The following PCDHA1 variants were observed in gnomAD, a reference collection of about 807,000 sequenced individuals.
PCDHA1 encodes protocadherin alpha 1, also known as protocadherin alpha-1.
Under a neutral mutation model 61.3 loss-of-function variants are expected in PCDHA1, and 42 were observed. The observed-to-expected ratio is 0.69, with a 90% CI of 0.54 to 0.89. The LOEUF is 0.89. Ranked by LOEUF, PCDHA1 falls within the 40% of genes least tolerant of loss-of-function variation. The pLI is 0.00. For synonymous variants in PCDHA1, 610 were observed against 553.8 expected, an observed-to-expected ratio of 1.10 and a Z score of -1.43; for missense variants, 1,256 against 1,235.3, an observed-to-expected ratio of 1.02 and a Z score of -0.25.
intron 1 of PCDHA1, chr5:140,927,498 G>A (rs782816586): frequency 3.1e-6 from 5 of 1,614,138 alleles, no homozygotes; most frequent in Middle Eastern, 1.6e-4. Context: ...ACCTGCTGGT[G>A]CTTACAGCTC....
Position 140,849,058 on chromosome 5 carries a change from A to T in PCDHA1, c.2394+60374A>T, listed in dbSNP as rs1222593356. 1.9e-6 allele frequency: 3 copies of T among 1,550,796 alleles called. No homozygotes were observed. In the African/African-American group the frequency reaches 4.5e-5, roughly 23 times the overall value. ...CTGGACGTGCCAACCAGCAACCAGC[A>T]GGTAAAACCTCTTGGACTTGTATTA... On this transcript the variant is annotated intron_variant, in intron 1 of 3. Coordinates refer to ENST00000504120, the MANE Select transcript of PCDHA1 (RefSeq NM_018900.4).
intron 1 of PCDHA1, among the ~76,000 whole-genome samples, chr5:140,885,158 T>C (rs1250241606): frequency 6.6e-6 from 1 of 152,198 alleles, no homozygotes; most frequent in African/African-American, 2.4e-5. Flanking sequence ...TGATTGTCTC[T>C]ACTTTTTTGT....
intron 1 of PCDHA1, chr5:140,881,303 C>A: frequency 2.1e-6 from 2 of 962,604 alleles, no homozygotes; most frequent in Non-Finnish European, 2.5e-6. Flanking sequence ...GAAACTTTAA[C>A]CTCCTGGTTA....
At chr5:140,950,159 T>C (rs983239055) in intron 1 of PCDHA1, among the ~76,000 whole-genome samples, 3 of 151,972 alleles carry the variant, frequency 2.0e-5, no homozygotes, top group Non-Finnish European at 4.4e-5. Flanking sequence ...AAGCAGTTAT[T>C]ATGTACTTTA....
intron 1 of PCDHA1, chr5:140,883,677 C>T (rs112867183): frequency 1.2e-6 from 2 of 1,613,726 alleles, no homozygotes. Flanking sequence ...AACAATCCGC[C>T]GGGCTGCCAC....
chr5:140,987,805 C>T (rs2097269328), intron 3 of PCDHA1, among the ~76,000 whole-genome samples: 3 of 152,140 alleles, frequency 2.0e-5, no homozygotes. Flanking sequence ...TTTAAAGTGC[C>T]TGTCTCTTTG....
chr5:141,006,346 G>C (rs2098268580), intron 3 of PCDHA1, among the ~76,000 whole-genome samples: 1 of 151,806 alleles, frequency 6.6e-6, no homozygotes, highest in South Asian at 2.1e-4. Context: ...TGAGTAGCTG[G>C]GACTATAGGC....
In PCDHA1 at chr5:140,807,867, A is replaced by G. The variant is rs782786124; in HGVS notation, c.2394+19183A>G. 6 of 1,614,086 alleles carry G rather than the reference A, an allele frequency of 3.7e-6. No homozygotes were observed. In the African/African-American group the frequency reaches 8.0e-5, roughly 22 times the overall value. On this transcript the variant is annotated intron_variant, in intron 1 of 3. Coordinates refer to ENST00000504120, the MANE Select transcript of PCDHA1 (RefSeq NM_018900.4). ...AAACCCGAGTTGACTGGCACCGTTCAGTTACTCATCACAGTACTGGATGCC... is the reference window on the plus strand; with the variant it reads ...AAACCCGAGTTGACTGGCACCGTTCGGTTACTCATCACAGTACTGGATGCC...
intron 1 of PCDHA1, chr5:140,809,545 G>A: frequency 6.2e-7 from 1 of 1,613,146 alleles, no homozygotes; most frequent in South Asian, 1.1e-5. Flanking sequence ...AAGATCAGCT[G>A]CAGACAACTG....
At chr5:140,914,596 C>A (rs1454753124) in intron 1 of PCDHA1, among the ~76,000 whole-genome samples, 1 of 152,128 alleles carries the variant, frequency 6.6e-6, no homozygotes, top group Non-Finnish European at 1.5e-5. Flanking sequence ...TAAGTAGGAA[C>A]TTCCTCCTGC....
chr5:140,985,357 C>T (rs577732404), intron 3 of PCDHA1, among the ~76,000 whole-genome samples: 1 of 152,298 alleles, frequency 6.6e-6, no homozygotes, highest in East Asian at 1.9e-4. Flanking sequence ...TATAGACCCT[C>T]TGAGGTTATC....
Position 140,786,624 on chromosome 5 carries a change from A to C in PCDHA1, c.334A>C (p.Arg112=), listed in dbSNP as rs1554117487. 4 of 1,614,148 alleles carry C rather than the reference A, an allele frequency of 2.5e-6. No individual in the cohort carries two copies. The African/African-American group carries it at 5.3e-5, about 22-fold the overall frequency. Residue 112 remains arginine (R), a synonymous_variant, in exon 1 of 4, where the codon AGG becomes CGG. Coordinates refer to ENST00000504120, the MANE Select transcript of PCDHA1 (RefSeq NM_018900.4). ...CSIHLELIAD[R]PLQVFHVEVK... is the part of the protein sequence containing the mutation. ...CATCCACCTGGAGTTGATCGCCGAC[A>C]GGCCGCTGCAGGTTTTCCATGTGGA...
intron 1 of PCDHA1, chr5:140,824,141 T>C: frequency 6.2e-7 from 1 of 1,612,188 alleles, no homozygotes; most frequent in South Asian, 1.1e-5. Context: ...AGTTTTCTAA[T>C]ATTAACATCC....
chr5:140,850,855 G>A (rs1484311028), intron 1 of PCDHA1: 1 of 1,595,156 alleles, frequency 6.3e-7, no homozygotes, highest in Non-Finnish European at 8.6e-7. Flanking sequence ...GAGCGAACGG[G>A]AGAACCCTCT....
chr5:140,828,497 G>T (rs1465778888), intron 1 of PCDHA1: 1 of 1,614,134 alleles, frequency 6.2e-7, no homozygotes, highest in African/African-American at 1.3e-5. Flanking sequence ...GTTCCCGGTA[G>T]AGGAACAAAG....
At chr5:140,913,166 GTTC>G (rs1273182839) in intron 1 of PCDHA1, among the ~76,000 whole-genome samples, 1 of 152,160 alleles carries the variant, frequency 6.6e-6, no homozygotes, top group Non-Finnish European at 1.5e-5. Flanking sequence ...ATTGGTATTA[GTTC>G]TTCTTTAAAT....
intron 1 of PCDHA1, chr5:140,883,644 A>C (rs2059725253): frequency 1.2e-6 from 2 of 1,613,018 alleles, no homozygotes; most frequent in Non-Finnish European, 1.7e-6. Flanking sequence ...GCGCAGCCCG[A>C]GTACACGGTG....
At chr5:140,937,614 C>A (rs561420642) in intron 1 of PCDHA1, among the ~76,000 whole-genome samples, 1 of 149,010 alleles carries the variant, frequency 6.7e-6, no homozygotes, top group Non-Finnish European at 1.5e-5. Flanking sequence ...GATACTCCAT[C>A]TAAAAAGAAA....
rs2150273023 is a variant in PCDHA1, at chr5:140,837,088, T to C, written c.2394+48404T>C. On this transcript the variant is annotated intron_variant, in intron 1 of 3. Transcript: ENST00000504120. Reference sequence around the variant, plus strand: ...TGATAATCAATACCTATAAATGTTATAGTAAACAAATTTAATATATATGTT... The same window carrying C: ...TGATAATCAATACCTATAAATGTTACAGTAAACAAATTTAATATATATGTT... 8 of 165,626 alleles carry C rather than the reference T, an allele frequency of 4.8e-5. 1 individual carries two copies. Among genetic ancestry groups the C allele is most frequent in the Non-Finnish European group, 1.0e-4 (8 of 77,090 alleles). 10.3% of individuals were successfully genotyped at this position (165,626 alleles called of 1,614,324 possible).
Sources: allele counts gnomAD v4.1 joint callset (sites outside exome capture counted in the v4.1 genomes callset), GRCh38; gene constraint gnomAD v4.1.1; transcripts MANE v1.5; gene names NCBI Gene and HGNC (gene_info 2026-07-23, HGNC 2026-07-21).